Variants in RNF216 observed in about 807,000 individuals in gnomAD.
RNF216 encodes the protein E3 ubiquitin-protein ligase RNF216.
Under a neutral mutation model 110.8 loss-of-function variants are expected in RNF216, and 72 were observed. That is an observed-to-expected ratio of 0.65 (90% CI 0.54 to 0.79). The LOEUF (loss-of-function observed/expected upper bound fraction) is 0.79. Among genes scored for constraint, RNF216 ranks in the 30% least tolerant of loss-of-function variants. The probability of loss-of-function intolerance (pLI) is 0.00; values close to 1 mark genes in which losing one functional copy is unlikely to be tolerated. For missense variants in RNF216, 1,342 were observed against 1,141.2 expected (o/e 1.18, Z -2.54); for synonymous variants, 495 against 407.5 (o/e 1.21, Z -2.59).
At chr7:5,693,863 A>G (rs1390351095) in intron 13 of RNF216, among the ~76,000 whole-genome samples, 1 of 152,196 alleles carries the variant, frequency 6.6e-6, no homozygotes, top group Non-Finnish European at 1.5e-5. Context: ...CTCTCTGGCC[A>G]ACAAGGAGAT....
At chr7:5,772,087 G>A (rs1389526960) in intron 1 of RNF216, among the ~76,000 whole-genome samples, 3 of 152,014 alleles carry the variant, frequency 2.0e-5, no homozygotes, top group African/African-American at 7.2e-5. Context: ...TACAAAATTA[G>A]CTGGGCATGG....
At position 5,712,852 on chromosome 7, in the gene RNF216, G is replaced by A; in HGVS notation, c.1845C>T (p.Ser615=). The A allele has an allele frequency of 6.2e-7, 1 of 1,608,954 alleles. No individual in the cohort carries two copies. Among genetic ancestry groups the A allele is most frequent in the South Asian group, 1.1e-5 (1 of 90,100 alleles). ...AVFGSGKLEL[S]CMEGSCTCSF... is the part of the protein sequence containing the mutation. Reference sequence around the variant, plus strand: ...AACACGTGCAGCTGCCTTCCATGCAGCTGAGCTCCAACTAGAAAAAGGCGA... The same window carrying A: ...AACACGTGCAGCTGCCTTCCATGCAACTGAGCTCCAACTAGAAAAAGGCGA... Residue 615 remains serine (S), a synonymous_variant, in exon 12 of 17, where the codon AGC becomes AGT. Transcript: ENST00000389902.
At chr7:5,679,489 G>T (rs1365472748) in intron 13 of RNF216, among the ~76,000 whole-genome samples, 1 of 152,236 alleles carries the variant, frequency 6.6e-6, no homozygotes, top group Non-Finnish European at 1.5e-5. Context: ...GTGAGTCTGG[G>T]GGAATGCGGT....
intron 13 of RNF216, among the ~76,000 whole-genome samples, chr7:5,692,797 C>G (rs185835058): frequency 4.9e-4 from 74 of 152,308 alleles, no homozygotes; most frequent in African/African-American, 1.4e-3. Flanking sequence ...ACAAACAAAA[C>G]AAAAATTCTT....
chr7:5,658,919 G>C (rs1321420025), intron 13 of RNF216, among the ~76,000 whole-genome samples: 2 of 152,140 alleles, frequency 1.3e-5, no homozygotes, highest in Admixed American at 6.5e-5. Flanking sequence ...GGCCTGGAGA[G>C]TGCAGCAATG....
intron 15 of RNF216, among the ~76,000 whole-genome samples, chr7:5,638,115 C>T (rs1787508845): frequency 6.6e-6 from 1 of 152,180 alleles, no homozygotes; most frequent in Non-Finnish European, 1.5e-5. Context: ...TCCATCCAGA[C>T]ATCATTTCTG....
At chr7:5,651,229 C>CTT (rs955863686) in intron 14 of RNF216, among the ~76,000 whole-genome samples, 1 of 144,642 alleles carries the variant, frequency 6.9e-6, no homozygotes. Context: ...ACAATCTTCT[C>CTT]TTTTTTTTTT....
At chr7:5,701,204 T>C (rs987728187) in intron 13 of RNF216, among the ~76,000 whole-genome samples, 1 of 152,200 alleles carries the variant, frequency 6.6e-6, no homozygotes, top group Non-Finnish European at 1.5e-5. Context: ...TCATTTCTTA[T>C]AGAATGTATC....
chr7:5,679,520 G>A (rs1184181375), intron 13 of RNF216, among the ~76,000 whole-genome samples: 1 of 152,220 alleles, frequency 6.6e-6, no homozygotes, highest in African/African-American at 2.4e-5. Context: ...AGCAGTAGGA[G>A]TGCTGACCAG....
At chr7:5,716,440 C>A (rs531847174) in intron 10 of RNF216, among the ~76,000 whole-genome samples, 14 of 152,270 alleles carry the variant, frequency 9.2e-5, no homozygotes, top group African/African-American at 3.4e-4. Flanking sequence ...AAAGTGATAT[C>A]TAAGTTGTAA....
chr7:5,712,933 G>T, intron 11 of RNF216, 70 bp from the exon 12 acceptor site: 1 of 1,396,758 alleles, frequency 7.2e-7, no homozygotes, highest in Non-Finnish European at 9.8e-7. Context: ...AGCGTCAGTG[G>T]TTAAAAACAT....
chr7:5,687,415 GA>G (rs1219446888), intron 13 of RNF216, among the ~76,000 whole-genome samples: 1 of 129,610 alleles, frequency 7.7e-6, no homozygotes, highest in Non-Finnish European at 1.6e-5. Context: ...AAAAAAAAAA[GA>G]AAAAGAAAAG....
rs1253909717 is a variant in RNF216, at chr7:5,667,664, C to T, written c.2062-15154G>A. Among the ~76,000 whole-genome samples the T allele has an allele frequency of 2.6e-5, 4 of 152,196 alleles. No individual in the cohort carries two copies. In the East Asian group the frequency reaches 5.8e-4, roughly 22 times the overall value. ...CACTGCTTGGGCTACCTCTGGGCTT[C>T]CCAGGGTTTTGCTGGGAATCTTGGC... On this transcript the variant is annotated intron_variant, in intron 13 of 16. Transcript: ENST00000389902.
rs759500393 is a variant in RNF216, at chr7:5,620,092, T to C, written c.*2768A>G. 1 of 152,282 alleles carries C rather than the reference T, an allele frequency of 6.6e-6. No individual in the cohort carries two copies. Among genetic ancestry groups the C allele is most frequent in the Non-Finnish European group, 1.5e-5 (1 of 68,056 alleles). The allele number at this position is 152,282 out of a possible 1,614,324, so 9.4% of individuals were successfully genotyped here. A position where few individuals can be genotyped will look rare whatever the true frequency, so the allele number is the denominator to read the frequency against. On this transcript the variant is annotated 3_prime_UTR_variant, in exon 17 of 17. Transcript: ENST00000389902. ...TATTTACAAAAGTCCCAGTTACATATGATACAGGCTTTTTACACACAGTAG... is the reference window on the plus strand; with the variant it reads ...TATTTACAAAAGTCCCAGTTACATACGATACAGGCTTTTTACACACAGTAG...
chr7:5,731,085 G>A (rs1584529218), intron 5 of RNF216, among the ~76,000 whole-genome samples: 2 of 152,326 alleles, frequency 1.3e-5, no homozygotes, highest in East Asian at 1.9e-4. Flanking sequence ...TCAATTGGGT[G>A]TTAATGTAAT....
intron 13 of RNF216, among the ~76,000 whole-genome samples, chr7:5,707,672 T>G (rs541007959): frequency 6.6e-6 from 1 of 151,530 alleles, no homozygotes; most frequent in East Asian, 1.9e-4. Flanking sequence ...TATCCTTGCC[T>G]TGTTCCTGAT....
At chr7:5,725,116 T>C (rs1793668628) in intron 8 of RNF216, among the ~76,000 whole-genome samples, 1 of 152,194 alleles carries the variant, frequency 6.6e-6, no homozygotes, top group Non-Finnish European at 1.5e-5. Flanking sequence ...TCTCACAGTT[T>C]ATCTTAAGTA....
At chr7:5,666,832 T>TTTTTTA (rs33989516) in intron 13 of RNF216, 1 of 151,714 alleles carries the variant, frequency 6.6e-6, no homozygotes, top group African/African-American at 2.4e-5. Flanking sequence ...TTTTTTTTTT[T>TTTTTTA]GAGACAGGGT....
intron 13 of RNF216, among the ~76,000 whole-genome samples, chr7:5,695,352 C>T (rs916655900): frequency 7.9e-5 from 12 of 152,190 alleles, no homozygotes; most frequent in African/African-American, 2.7e-4. Flanking sequence ...GAAAACGACA[C>T]GCCAGCCTGT....
Sources: allele counts gnomAD v4.1 joint callset (sites outside exome capture counted in the v4.1 genomes callset), GRCh38; gene constraint gnomAD v4.1.1; transcripts MANE v1.5; gene names NCBI Gene and HGNC (gene_info 2026-07-23, HGNC 2026-07-21).